MYO3B: variants seen among roughly 807,000 people sequenced by gnomAD.
The protein encoded by MYO3B is myosin-IIIb.
MYO3B carries 156 observed loss-of-function variants against 174.6 expected under a neutral mutation model. The ratio of observed to expected loss-of-function variants is 0.89; its 90% CI spans 0.78 to 1.02. The LOEUF (loss-of-function observed/expected upper bound fraction) is 1.02, where lower values mean the gene tolerates loss of function less well. Among genes scored for constraint, MYO3B ranks in the 50% least tolerant of loss-of-function variants. MYO3B has a pLI of 0.00. For missense variants in MYO3B, 1,632 were observed against 1,639.4 expected, an observed-to-expected ratio of 1.00 and a Z score of 0.08; for synonymous variants, 563 against 569.1, an observed-to-expected ratio of 0.99 and a Z score of 0.15.
intron 25 of MYO3B, among the ~76,000 whole-genome samples, chr2:170,492,053 CAAAA>C (rs60053193): frequency 1.8e-5 from 2 of 111,076 alleles, no homozygotes; most frequent in African/African-American, 3.3e-5. Flanking sequence ...GACTCCGTCT[CAAAA>C]AAAAAAAAAA....
intron 32 of MYO3B, among the ~76,000 whole-genome samples, chr2:170,547,721 A>C (rs1030656052): frequency 1.3e-5 from 2 of 152,228 alleles, no homozygotes; most frequent in Non-Finnish European, 2.9e-5. Flanking sequence ...ATAATCATGC[A>C]CTTGGATGTT....
intron 7 of MYO3B, among the ~76,000 whole-genome samples, chr2:170,275,899 T>C (rs2093460904): frequency 6.6e-6 from 1 of 152,208 alleles, no homozygotes; most frequent in Non-Finnish European, 1.5e-5. Context: ...CATATAGTTA[T>C]AGTGGTTGTG....
At chr2:170,621,545 C>G (rs536544714) in intron 32 of MYO3B, among the ~76,000 whole-genome samples, 1 of 149,392 alleles carries the variant, frequency 6.7e-6, no homozygotes, top group South Asian at 2.1e-4. Context: ...GAGTCTCACT[C>G]TGTGCCCAGG....
intron 25 of MYO3B, among the ~76,000 whole-genome samples, chr2:170,482,476 G>C (rs980397075): frequency 6.6e-6 from 1 of 152,102 alleles, no homozygotes; most frequent in Non-Finnish European, 1.5e-5. Context: ...TTTGCCTGCC[G>C]CCATCCACGT....
intron 32 of MYO3B, among the ~76,000 whole-genome samples, chr2:170,625,774 A>T (rs1331506172): frequency 6.6e-6 from 1 of 152,190 alleles, no homozygotes; most frequent in Non-Finnish European, 1.5e-5. Flanking sequence ...CATTGGTTTC[A>T]AAGAACATCT....
chr2:170,442,964 C>T (rs1299724884), intron 22 of MYO3B, among the ~76,000 whole-genome samples: 1 of 152,178 alleles, frequency 6.6e-6, no homozygotes, highest in East Asian at 1.9e-4. Flanking sequence ...AATAAACATA[C>T]ATGTGCATGT....
In MYO3B at chr2:170,466,684, G is replaced by A. The variant is rs371669866; in HGVS notation, c.2987G>A (p.Arg996His). Residue 996 changes from arginine to histidine, a missense_variant, in exon 25 of 35, where the codon CGC becomes CAC. Physicochemically the swap from Arg to His is conservative, Grantham distance 29. Coordinates refer to ENST00000408978, the MANE Select transcript of MYO3B (RefSeq NM_138995.5). ...VSIRRQGYSH[R>H]ILFEEFVKRY... is the part of the protein sequence containing the mutation. ...ATCCGCCGCCAGGGCTATTCCCACC[G>A]CATCCTTTTTGAAGAATTTGTGAAA... is the stretch of plus-strand genomic sequence containing the variant. The A allele has an allele frequency of 9.9e-6, 16 of 1,614,016 alleles. No homozygotes were observed. Among genetic ancestry groups the A allele is most frequent in the Middle Eastern group, 1.6e-4 (1 of 6,084 alleles).
At chr2:170,481,429 G>A (rs1176247285) in intron 25 of MYO3B, among the ~76,000 whole-genome samples, 1 of 152,180 alleles carries the variant, frequency 6.6e-6, no homozygotes, top group East Asian at 1.9e-4. Context: ...ACAAAAATGA[G>A]CAGAGTGTGG....
chr2:170,359,518 C>G (rs1168082625), intron 8 of MYO3B, among the ~76,000 whole-genome samples: 1 of 152,160 alleles, frequency 6.6e-6, no homozygotes, highest in African/African-American at 2.4e-5. Flanking sequence ...AACTTACCAG[C>G]AAGACCTTCT....
chr2:170,492,720 T>C (rs2106051322), intron 25 of MYO3B, among the ~76,000 whole-genome samples: 1 of 152,126 alleles, frequency 6.6e-6, no homozygotes, highest in East Asian at 1.9e-4. Flanking sequence ...TTTAAGGTCC[T>C]GCTTCCTCTG....
intron 7 of MYO3B, among the ~76,000 whole-genome samples, chr2:170,271,887 T>C (rs1447960808): frequency 1.3e-5 from 2 of 152,140 alleles, no homozygotes; most frequent in East Asian, 3.8e-4. Flanking sequence ...TCTCAGAATT[T>C]GAGGTGGGGA....
intron 25 of MYO3B, among the ~76,000 whole-genome samples, chr2:170,468,365 T>C (rs946482510): frequency 1.3e-5 from 2 of 152,174 alleles, no homozygotes; most frequent in African/African-American, 4.8e-5. Flanking sequence ...AAAAACTCAT[T>C]TAATGTGACT....
chr2:170,578,130 A>G (rs540905027), intron 32 of MYO3B, among the ~76,000 whole-genome samples: 26 of 152,364 alleles, frequency 1.7e-4, no homozygotes, highest in African/African-American at 6.3e-4. Flanking sequence ...GTTAACGTCA[A>G]GGGTTCATTA....
At chr2:170,466,785 G>T (rs1226017047) in intron 25 of MYO3B, 74 bp downstream of exon 25, 2 of 1,470,618 alleles carry the variant, frequency 1.4e-6, no homozygotes, top group East Asian at 2.3e-5. Flanking sequence ...TCCTAAGATT[G>T]TTCCTCCTGC....
At chr2:170,446,832 C>CATGACA (rs1294560138) in intron 23 of MYO3B, among the ~76,000 whole-genome samples, 2 of 152,168 alleles carry the variant, frequency 1.3e-5, no homozygotes, top group East Asian at 3.8e-4. Flanking sequence ...TTTTAGATGA[C>CATGACA]ATGACAGCCA....
At chr2:170,603,943 GT>G (rs1324103351) in intron 32 of MYO3B, among the ~76,000 whole-genome samples, 4 of 152,118 alleles carry the variant, frequency 2.6e-5, no homozygotes, top group Non-Finnish European at 5.9e-5. Flanking sequence ...GTTTACATAT[GT>G]TTAGATACAC....
intron 25 of MYO3B, among the ~76,000 whole-genome samples, chr2:170,476,356 G>T (rs997952096): frequency 3.3e-5 from 5 of 152,230 alleles, no homozygotes; most frequent in African/African-American, 1.2e-4. Flanking sequence ...CCCAAGGGTA[G>T]TGGGCCAGTG....
intron 32 of MYO3B, among the ~76,000 whole-genome samples, chr2:170,624,758 G>C (rs1438779159): frequency 6.6e-6 from 1 of 152,142 alleles, no homozygotes; most frequent in Non-Finnish European, 1.5e-5. Context: ...CTAATTTATT[G>C]AGAGTTTTTA....
intron 32 of MYO3B, among the ~76,000 whole-genome samples, chr2:170,651,348 C>T (rs1698999522): frequency 6.6e-6 from 1 of 152,216 alleles, no homozygotes; most frequent in Admixed American, 6.5e-5. Context: ...CCAACTTATA[C>T]TTCACCAATG....
Sources: allele counts gnomAD v4.1 joint callset (sites outside exome capture counted in the v4.1 genomes callset), GRCh38; gene constraint gnomAD v4.1.1; transcripts MANE v1.5; gene names NCBI Gene and HGNC (gene_info 2026-07-23, HGNC 2026-07-21).